Variants in PARD3 observed in about 807,000 individuals in gnomAD.
PARD3 encodes par-3 family cell polarity regulator.
PARD3 carries 75 observed loss-of-function variants against 155.4 expected under a neutral mutation model. That is an observed-to-expected ratio of 0.48 (90% CI 0.40 to 0.58). The LOEUF (loss-of-function observed/expected upper bound fraction) is 0.58, where lower values mean the gene tolerates loss of function less well. Among genes scored for constraint, PARD3 ranks in the 20% least tolerant of loss-of-function variants. The pLI, the probability that PARD3 is intolerant of heterozygous loss-of-function variation, is 0.00. For missense variants in PARD3, 1,642 were observed against 1,721.7 expected, an observed-to-expected ratio of 0.95 and a Z score of 0.82; for synonymous variants, 576 against 610.5, an observed-to-expected ratio of 0.94 and a Z score of 0.83.
At chr10:34,573,290 A>G (rs2086582720) in intron 2 of PARD3, among the ~76,000 whole-genome samples, 1 of 152,208 alleles carries the variant, frequency 6.6e-6, no homozygotes, top group Admixed American at 6.5e-5. Flanking sequence ...CAGGAGGTTG[A>G]GGCTGTAGTG....
intron 22 of PARD3, among the ~76,000 whole-genome samples, chr10:34,132,837 T>G (rs935538221): frequency 6.6e-6 from 1 of 151,984 alleles, no homozygotes; most frequent in African/African-American, 2.4e-5. Flanking sequence ...CCATATAAAC[T>G]GCAAACCCCA....
chr10:34,243,479 GCTT>G (rs988246098), intron 22 of PARD3, among the ~76,000 whole-genome samples: 2 of 152,142 alleles, frequency 1.3e-5, no homozygotes, highest in African/African-American at 4.8e-5. Flanking sequence ...AAAACGAAAT[GCTT>G]CTTCAAGTAA....
intron 22 of PARD3, among the ~76,000 whole-genome samples, chr10:34,269,132 T>C (rs1278581258): frequency 6.6e-6 from 1 of 152,186 alleles, no homozygotes; most frequent in Non-Finnish European, 1.5e-5. Flanking sequence ...TACACTGATA[T>C]ACATAATTTA....
At chr10:34,463,376 G>GGGGAA (rs1454534591) in intron 4 of PARD3, among the ~76,000 whole-genome samples, 27 of 134,856 alleles carry the variant, frequency 2.0e-4, no homozygotes, top group African/African-American at 5.9e-4. Context: ...GGGGAGGGGA[G>GGGGAA]GGGAAGGGGA....
chr10:34,475,112 T>A (rs1482704061), intron 3 of PARD3, among the ~76,000 whole-genome samples: 2 of 152,182 alleles, frequency 1.3e-5, no homozygotes, highest in African/African-American at 4.8e-5. Flanking sequence ...TCAAAGAGTT[T>A]TTGTTTATGG....
At chr10:34,539,556 A>C (rs1333082944) in intron 2 of PARD3, among the ~76,000 whole-genome samples, 1 of 152,184 alleles carries the variant, frequency 6.6e-6, no homozygotes, top group Non-Finnish European at 1.5e-5. Flanking sequence ...GCTACTCTGA[A>C]GGCTTAGGCA....
At chr10:34,542,920 C>A (rs538683241) in intron 2 of PARD3, among the ~76,000 whole-genome samples, 2 of 152,120 alleles carry the variant, frequency 1.3e-5, no homozygotes, top group African/African-American at 4.8e-5. Flanking sequence ...TATTTTCACA[C>A]AAGAACTTTA....
chr10:34,406,230 A>G (rs1282936341), intron 5 of PARD3, among the ~76,000 whole-genome samples: 1 of 152,230 alleles, frequency 6.6e-6, no homozygotes, highest in Non-Finnish European at 1.5e-5. Context: ...AAAACAATTC[A>G]GTGTAAAACT....
intron 2 of PARD3, among the ~76,000 whole-genome samples, chr10:34,586,863 C>T (rs1398754479): frequency 6.6e-6 from 1 of 152,010 alleles, no homozygotes; most frequent in Non-Finnish European, 1.5e-5. Flanking sequence ...GCAGGAGAAT[C>T]GCTTGAACCC....
intron 22 of PARD3, among the ~76,000 whole-genome samples, chr10:34,157,431 G>A (rs995788654): frequency 2.6e-5 from 4 of 152,080 alleles, no homozygotes; most frequent in African/African-American, 9.7e-5. Context: ...ACAAGTAAGC[G>A]CCCCATGAAC....
At chr10:34,243,496 A>G (rs542463280) in intron 22 of PARD3, among the ~76,000 whole-genome samples, 1 of 152,270 alleles carries the variant, frequency 6.6e-6, no homozygotes, top group East Asian at 1.9e-4. Flanking sequence ...CAAGTAACTG[A>G]GCTACTCATT....
chr10:34,151,240 GTTAAAGATGTAA>G (rs1433427777), intron 22 of PARD3, among the ~76,000 whole-genome samples: 4 of 151,456 alleles, frequency 2.6e-5, no homozygotes, highest in African/African-American at 9.7e-5. Flanking sequence ...TAATTATCAA[GTTAAAGATGTAA>G]TTAAAGATTT....
intron 2 of PARD3, among the ~76,000 whole-genome samples, chr10:34,630,585 G>A (rs988972690): frequency 7.9e-5 from 12 of 151,668 alleles, no homozygotes; most frequent in Non-Finnish European, 1.2e-4. Flanking sequence ...GAGTAACTGG[G>A]GACTACATGC....
chr10:34,146,671 CCT>C (rs1201727147), intron 22 of PARD3, among the ~76,000 whole-genome samples: 3 of 152,294 alleles, frequency 2.0e-5, no homozygotes, highest in African/African-American at 7.2e-5. Flanking sequence ...AATTTTTAAT[CCT>C]CTGTTTCAAT....
At chr10:34,484,651 C>T (rs532859268) in intron 3 of PARD3, among the ~76,000 whole-genome samples, 7 of 152,288 alleles carry the variant, frequency 4.6e-5, no homozygotes, top group East Asian at 3.9e-4. Flanking sequence ...TCTCTGCCCT[C>T]GTGAAGTTTT....
intron 1 of PARD3, among the ~76,000 whole-genome samples, chr10:34,733,628 C>T (rs1316400009): frequency 1.3e-5 from 2 of 152,186 alleles, no homozygotes; most frequent in African/African-American, 2.4e-5. Context: ...AGATTACAGG[C>T]GTGTGCCACC....
At chr10:34,124,621 G>C (rs1947179525) in intron 23 of PARD3, among the ~76,000 whole-genome samples, 1 of 152,156 alleles carries the variant, frequency 6.6e-6, no homozygotes, top group Admixed American at 6.5e-5. Flanking sequence ...CTGAACTCTT[G>C]TGGGTCTTGA....
intron 2 of PARD3, among the ~76,000 whole-genome samples, chr10:34,629,345 C>A (rs1218970414): frequency 6.6e-6 from 1 of 152,176 alleles, no homozygotes; most frequent in East Asian, 1.9e-4. Context: ...CTTTATAGCC[C>A]TTGACAAGAA....
At chr10:34,284,376 C>A in intron 20 of PARD3, 131 bp from the exon 21 acceptor site, 1 of 556,018 alleles carries the variant, frequency 1.8e-6, no homozygotes, top group Non-Finnish European at 3.1e-6. Flanking sequence ...CTTCTGCAGT[C>A]AGTAGTTTGG....
Sources: gnomAD v4.1 joint callset for allele counts (sites outside exome capture counted in the v4.1 genomes callset) on GRCh38, gnomAD v4.1.1 for gene constraint, MANE v1.5 for transcripts, NCBI Gene and HGNC (gene_info 2026-07-23, HGNC 2026-07-21) for gene names.